Variants in FMNL2 observed in about 807,000 individuals in gnomAD.
FMNL2 encodes formin like 2, also known as formin-like protein 2.
Under a neutral mutation model 130.2 loss-of-function variants are expected in FMNL2, and 51 were observed. The observed-to-expected ratio is 0.39, with a 90% CI of 0.31 to 0.49. The LOEUF (loss-of-function observed/expected upper bound fraction) is 0.49, where lower values mean the gene tolerates loss of function less well. Among genes scored for constraint, FMNL2 ranks in the 20% least tolerant of loss-of-function variants. The probability of loss-of-function intolerance (pLI) is 0.85; values close to 1 mark genes in which losing one functional copy is unlikely to be tolerated. For missense variants in FMNL2, 977 were observed against 1,316.2 expected (o/e 0.74, Z 3.99); for synonymous variants, 465 against 467.1 (o/e 1.00, Z 0.06).
intron 1 of FMNL2, among the ~76,000 whole-genome samples, chr2:152,475,193 A>C (rs1042977395): frequency 2.0e-5 from 3 of 152,258 alleles, no homozygotes; most frequent in Non-Finnish European, 4.4e-5. Context: ...GAATACTGGA[A>C]AATTTCTGAG....
At chr2:152,497,014 T>A (rs146928560) in intron 1 of FMNL2, among the ~76,000 whole-genome samples, 51 of 152,330 alleles carry the variant, frequency 3.3e-4, no homozygotes, top group African/African-American at 1.1e-3. Flanking sequence ...TGGTGCTAGA[T>A]GTGCTTATTG....
chr2:152,343,832 G>A (rs1681954403), intron 1 of FMNL2, among the ~76,000 whole-genome samples: 1 of 59,618 alleles, frequency 1.7e-5, no homozygotes, highest in Non-Finnish European at 4.4e-5. Context: ...ACTTGGTTGT[G>A]CATTGACATC....
chr2:152,617,312 G>A (rs1319519823), intron 13 of FMNL2, 120 bp downstream of exon 13: 1 of 884,210 alleles, frequency 1.1e-6, no homozygotes, highest in Non-Finnish European at 1.8e-6. Context: ...CATATTTATT[G>A]GAAACCTTTG....
At chr2:152,349,778 TGGAATA>T (rs1324879780) in intron 1 of FMNL2, among the ~76,000 whole-genome samples, 1 of 152,204 alleles carries the variant, frequency 6.6e-6, no homozygotes, top group African/African-American at 2.4e-5. Context: ...AATGTTTCCT[TGGAATA>T]GGAAGTAGGT....
At chr2:152,492,026 A>AG (rs1691236663) in intron 1 of FMNL2, among the ~76,000 whole-genome samples, 1 of 152,252 alleles carries the variant, frequency 6.6e-6, no homozygotes, top group Non-Finnish European at 1.5e-5. Flanking sequence ...TTAATCATTT[A>AG]TGTACTATGA....
chr2:152,339,824 T>C (rs1321758704), intron 1 of FMNL2, among the ~76,000 whole-genome samples: 24 of 152,212 alleles, frequency 1.6e-4, no homozygotes, highest in Admixed American at 1.6e-3. Flanking sequence ...GTAGGCCTTT[T>C]ACATGTTCTC....
At chr2:152,432,722 C>CAATTTAATA (rs1558859432) in intron 1 of FMNL2, among the ~76,000 whole-genome samples, 1 of 152,132 alleles carries the variant, frequency 6.6e-6, no homozygotes, top group Admixed American at 6.6e-5. Context: ...CATAGGGGGC[C>CAATTTAATA]GTTAATTAAA....
intron 9 of FMNL2, among the ~76,000 whole-genome samples, chr2:152,593,880 TGTGTGTGTGTGTGTGTGTGTGTGA>T (rs1697594690): frequency 9.8e-6 from 1 of 101,888 alleles, no homozygotes; most frequent in Non-Finnish European, 2.1e-5. Flanking sequence ...TGTGTGTGTG[TGTGTGTGTGTGTGTGTGTGTGTGA>T]GAGAGAGAGA....
rs570433994 is a variant in FMNL2 at position 152,356,053 on chromosome 2, A to G, written c.117+20333A>G. ...CTTCTGAATTTATAGAAATGGCACT[A>G]TAATCCATATGTACTTTTGAATCTT... is the stretch of plus-strand genomic sequence containing the variant. On this transcript the variant is annotated intron_variant, in intron 1 of 25. Coordinates refer to ENST00000288670, the MANE Select transcript of FMNL2 (RefSeq NM_052905.4). Among the ~76,000 whole-genome samples the G allele has an allele frequency of 1.3e-5, 2 of 152,360 alleles. 1 individual carries two copies. The highest frequency in any genetic ancestry group is 4.8e-5 in the African/African-American group (2 of 41,590).
intron 1 of FMNL2, among the ~76,000 whole-genome samples, chr2:152,521,571 G>T (rs1693087713): frequency 6.6e-6 from 1 of 151,864 alleles, no homozygotes; most frequent in African/African-American, 2.4e-5. Context: ...TTCTCTTTTG[G>T]TGTTTTCTGT....
At chr2:152,403,012 G>A (rs185982663) in intron 1 of FMNL2, among the ~76,000 whole-genome samples, 5 of 152,224 alleles carry the variant, frequency 3.3e-5, no homozygotes, top group African/African-American at 1.2e-4. Flanking sequence ...TGACAGTTTC[G>A]AGGAGTACTG....
intron 1 of FMNL2, among the ~76,000 whole-genome samples, chr2:152,375,877 C>CTATA (rs61564333): frequency 0.055 from 6,124 of 112,138 alleles, 216 homozygotes; most frequent in East Asian, 0.14. Flanking sequence ...CTCTCTCTCT[C>CTATA]TATATATATA....
At chr2:152,431,249 C>A (rs1687476157) in intron 1 of FMNL2, among the ~76,000 whole-genome samples, 1 of 152,126 alleles carries the variant, frequency 6.6e-6, no homozygotes, top group South Asian at 2.1e-4. Flanking sequence ...AGAAAATAAT[C>A]CCTACCCTCA....
intron 1 of FMNL2, among the ~76,000 whole-genome samples, chr2:152,416,468 G>A (rs1434452699): frequency 6.6e-6 from 1 of 152,234 alleles, no homozygotes; most frequent in Non-Finnish European, 1.5e-5. Context: ...CTGCACCAGA[G>A]TTTATCCCCC....
At chr2:152,406,535 C>T (rs1177672943) in intron 1 of FMNL2, among the ~76,000 whole-genome samples, 1 of 152,174 alleles carries the variant, frequency 6.6e-6, no homozygotes, top group African/African-American at 2.4e-5. Context: ...ATGGTAGTCT[C>T]AATTCCTTCT....
chr2:152,422,529 G>T (rs1686974963), intron 1 of FMNL2, among the ~76,000 whole-genome samples: 1 of 151,750 alleles, frequency 6.6e-6, no homozygotes, highest in South Asian at 2.1e-4. Flanking sequence ...TTTTTGTGGG[G>T]GAGTTTTCCT....
intron 9 of FMNL2, among the ~76,000 whole-genome samples, chr2:152,600,100 G>T (rs1000562629): frequency 1.3e-5 from 2 of 152,146 alleles, no homozygotes; most frequent in Non-Finnish European, 2.9e-5. Flanking sequence ...TTTCACCTAG[G>T]ACTAACTATG....
chr2:152,343,792 G>T (rs1235849735), intron 1 of FMNL2, among the ~76,000 whole-genome samples: 2 of 151,978 alleles, frequency 1.3e-5, no homozygotes, highest in Admixed American at 1.3e-4. Flanking sequence ...TAGAATAAGG[G>T]TATTGGTAAG....
chr2:152,543,204 G>T (rs1694407792), intron 3 of FMNL2, among the ~76,000 whole-genome samples: 1 of 152,068 alleles, frequency 6.6e-6, no homozygotes. Flanking sequence ...AAATCACTGG[G>T]CCTTTGTCAT....
Sources: gnomAD v4.1 joint callset for allele counts (sites outside exome capture counted in the v4.1 genomes callset) on GRCh38, gnomAD v4.1.1 for gene constraint, MANE v1.5 for transcripts, NCBI Gene and HGNC (gene_info 2026-07-23, HGNC 2026-07-21) for gene names.